MMUT: variants seen among roughly 807,000 people sequenced by gnomAD.
MMUT encodes methylmalonyl-CoA mutase.
In MMUT, 79 loss-of-function variants were observed where a neutral mutation model predicts 79.9. The observed-to-expected ratio is 0.99, with a 90% confidence interval of 0.82 to 1.19. The LOEUF (loss-of-function observed/expected upper bound fraction) is 1.19, where lower values mean the gene tolerates loss of function less well. Ranked by LOEUF, MMUT falls within the 50% of genes most tolerant of loss-of-function variation. The pLI, the probability that MMUT is intolerant of heterozygous loss-of-function variation, is 0.00. For synonymous variants in MMUT, 273 were observed against 295.7 expected (o/e 0.92, Z 0.79); for missense variants, 860 against 917.2 (o/e 0.94, Z 0.81).
intron 6 of MMUT, among the ~76,000 whole-genome samples, chr6:49,450,173 G>A (rs567810467): frequency 6.6e-6 from 1 of 150,558 alleles, no homozygotes; most frequent in East Asian, 2.0e-4. Flanking sequence ...AAAAGTTGCA[G>A]TAAGCCGAGA....
At chr6:49,446,232 T>A (rs1482752724) in intron 8 of MMUT, among the ~76,000 whole-genome samples, 2 of 151,772 alleles carry the variant, frequency 1.3e-5, no homozygotes, top group Admixed American at 1.3e-4. Context: ...TTTAAAAAAA[T>A]TACCACCACA....
rs1463029762 is a variant in MMUT, at chr6:49,430,867, G to A, written c.*861C>T. ...CAAATCTTTCAGTAAGCAAAGTACA[G>A]GTGTTCTCTGTGATATTTTTATTTT... On this transcript the variant is annotated 3_prime_UTR_variant, in exon 13 of 13. Coordinates refer to ENST00000274813, the MANE Select transcript of MMUT (RefSeq NM_000255.4). 6.6e-6 allele frequency: 1 copy of A among 152,118 alleles called. No individual in the cohort carries two copies. Among genetic ancestry groups the A allele is most frequent in the Non-Finnish European group, 1.5e-5 (1 of 68,012 alleles). The allele number at this position is 152,118 out of a possible 1,614,324, so 9.4% of individuals were successfully genotyped here. A position where few individuals can be genotyped will look rare whatever the true frequency, so the allele number is the denominator to read the frequency against.
In MMUT at chr6:49,430,652, T is replaced by C. The variant is rs907778399; in HGVS notation, c.*1076A>G. 37 of 152,352 alleles carry C rather than the reference T, an allele frequency of 2.4e-4. No homozygotes were observed. Among genetic ancestry groups the C allele is most frequent in the Admixed American group, 1.2e-3 (19 of 15,306 alleles). The allele number at this position is 152,352 out of a possible 1,614,324, so 9.4% of individuals were successfully genotyped here. On this transcript the variant is annotated 3_prime_UTR_variant, in exon 13 of 13. Transcript: ENST00000274813. ...TAATACTTTCCAAAAGACTGCTCTCTGATCTAATACAATAGAAATTTATTA... is the reference window on the plus strand; with the variant it reads ...TAATACTTTCCAAAAGACTGCTCTCCGATCTAATACAATAGAAATTTATTA...
intron 5 of MMUT, among the ~76,000 whole-genome samples, chr6:49,452,957 T>C (rs889504808): frequency 1.3e-5 from 2 of 151,678 alleles, no homozygotes; most frequent in African/African-American, 4.9e-5. Flanking sequence ...TTAAGAATTA[T>C]AACTCTTACA....
rs541859735 is a variant in MMUT, at chr6:49,444,670, G to C, written c.1645C>G (p.Leu549Val). Residue 549 changes from leucine to valine, a missense_variant, in exon 9 of 13, where the codon CTG becomes GTG. Leu to Val is a conservative substitution (Grantham distance 32). Transcript: ENST00000274813. ...CGAGATGCATCCACTGCAAGAGCCA[G>C]GATATTTCCATCTCCGCTAGCAGCA... is the stretch of plus-strand genomic sequence containing the variant. ...ECAASGDGNI[L>V]ALAVDASRAR... The C allele has an allele frequency of 6.2e-7, 1 of 1,613,318 alleles. No individual in the cohort carries two copies. Among genetic ancestry groups the C allele is most frequent in the Non-Finnish European group, 8.5e-7 (1 of 1,179,442 alleles).
rs187775280 is a variant in MMUT, at chr6:49,436,121, A to G, written c.1957-498T>C. ...AATGGCTATTATTAAAAAGTCAAAA[A>G]ATAACAGATGCTAGCAAGGTTGTGG... On this transcript the variant is annotated intron_variant, in intron 11 of 12. Transcript: ENST00000274813. Among the ~76,000 whole-genome samples the G allele has an allele frequency of 9.9e-3, 1,512 of 152,302 alleles. 13 individuals carry two copies. Among genetic ancestry groups the G allele is most frequent in the South Asian group, 0.031 (150 of 4,828 alleles).
rs1461532904 is a variant in MMUT at position 49,431,743 on chromosome 6, C to T, written c.2238G>A (p.Lys746=). The part of the protein sequence containing the change: ...LDDIEKCLEK[K]QQSV ...AAAGAGGATATTATACAGATTGCTG[C>T]TTCTTTTCCAAACACTTCTCAATAT... Residue 746 remains lysine, a synonymous_variant, in exon 13 of 13, where the codon AAG becomes AAA. Coordinates refer to ENST00000274813, the MANE Select transcript of MMUT (RefSeq NM_000255.4). 3.1e-6 allele frequency: 5 copies of T among 1,613,828 alleles called. No homozygotes were observed. The Admixed American group carries it at 6.7e-5, about 22-fold the overall frequency.
At chr6:49,443,896 G>C (rs1017199916) in intron 9 of MMUT, 6 of 379,600 alleles carry the variant, frequency 1.6e-5, no homozygotes, top group Non-Finnish European at 3.2e-5. Flanking sequence ...GGAGACAAAG[G>C]AGCATGTTAA....
At chr6:49,445,247 C>T (rs1210491847) in intron 8 of MMUT, among the ~76,000 whole-genome samples, 1 of 151,916 alleles carries the variant, frequency 6.6e-6, no homozygotes, top group African/African-American at 2.4e-5. Context: ...AAAATAATCT[C>T]GAGAGCGAAA....
chr6:49,442,816 A>G (rs534897065), intron 9 of MMUT, among the ~76,000 whole-genome samples: 2 of 152,248 alleles, frequency 1.3e-5, no homozygotes, highest in East Asian at 3.9e-4. Flanking sequence ...CATAGTGAGG[A>G]AAGTGGTATA....
At chr6:49,447,899 T>C in intron 7 of MMUT, 114 bp from the exon 8 acceptor site, 2 of 673,588 alleles carry the variant, frequency 3.0e-6, no homozygotes, top group Non-Finnish European at 2.6e-6. Context: ...TTCTTAATTC[T>C]TAATGCAACT....
chr6:49,444,495 T>G (rs1374861989), intron 9 of MMUT, 144 bp downstream of exon 9: 1 of 698,560 alleles, frequency 1.4e-6, no homozygotes, highest in Non-Finnish European at 2.5e-6. Flanking sequence ...TTTAAAATGA[T>G]AAGAATTAAA....
intron 1 of MMUT, among the ~76,000 whole-genome samples, chr6:49,461,659 C>T (rs1308879081): frequency 6.6e-6 from 1 of 152,114 alleles, no homozygotes; most frequent in Non-Finnish European, 1.5e-5. Context: ...ATCCCAGGTA[C>T]TCAGGAGGCT....
At chr6:49,461,786 C>T (rs573902958) in intron 1 of MMUT, among the ~76,000 whole-genome samples, 1 of 152,012 alleles carries the variant, frequency 6.6e-6, no homozygotes, top group African/African-American at 2.4e-5. Flanking sequence ...AACAAAAAAA[C>T]CTTCCATTTT....
At chr6:49,457,427 A>G (rs1335061482) in intron 3 of MMUT, among the ~76,000 whole-genome samples, 1 of 152,234 alleles carries the variant, frequency 6.6e-6, no homozygotes, top group Non-Finnish European at 1.5e-5. Context: ...AAATTTAAAA[A>G]TGTAAGTAGA....
At chr6:49,456,783 T>C (rs1767701726) in intron 3 of MMUT, among the ~76,000 whole-genome samples, 1 of 152,206 alleles carries the variant, frequency 6.6e-6, no homozygotes, top group African/African-American at 2.4e-5. Context: ...TGGGATAAAA[T>C]GCATGGCTTT....
At chr6:49,443,295 A>G (rs974840623) in intron 9 of MMUT, among the ~76,000 whole-genome samples, 5 of 152,144 alleles carry the variant, frequency 3.3e-5, no homozygotes, top group Non-Finnish European at 5.9e-5. Context: ...TTCCTCTAGA[A>G]AAATGGAGGA....
intron 12 of MMUT, 62 bp downstream of exon 12, chr6:49,435,393 CA>C: frequency 1.4e-6 from 2 of 1,469,084 alleles, no homozygotes; most frequent in Non-Finnish European, 1.9e-6. Context: ...TTTAGAACCA[CA>C]AATAAGCTAT....
At chr6:49,455,346 GT>G (rs1767660135) in intron 4 of MMUT, among the ~76,000 whole-genome samples, 1 of 152,116 alleles carries the variant, frequency 6.6e-6, no homozygotes, top group East Asian at 1.9e-4. Context: ...CATAAAAACA[GT>G]TTTGATCTCA....
Sources: gnomAD v4.1 joint callset for allele counts (sites outside exome capture counted in the v4.1 genomes callset) on GRCh38, gnomAD v4.1.1 for gene constraint, MANE v1.5 for transcripts, NCBI Gene and HGNC (gene_info 2026-07-23, HGNC 2026-07-21) for gene names.